BNC2: variants seen among roughly 807,000 people sequenced by gnomAD.
BNC2 encodes the protein zinc finger protein basonuclin-2.
A neutral mutation model predicts 76.3 loss-of-function variants in BNC2; 20 were observed. The ratio of observed to expected loss-of-function variants is 0.26; its 90% CI spans 0.18 to 0.38. The LOEUF is 0.38. Among genes scored for constraint, BNC2 ranks in the 10% least tolerant of loss-of-function variants. The pLI is 1.00. For synonymous variants in BNC2, 582 were observed against 514.8 expected (o/e 1.13, Z -1.77); for missense variants, 1,382 against 1,399.8 (o/e 0.99, Z 0.20).
intron 5 of BNC2, among the ~76,000 whole-genome samples, chr9:16,474,267 C>T (rs1420192108): frequency 6.6e-6 from 1 of 152,164 alleles, no homozygotes; most frequent in East Asian, 1.9e-4. Context: ...ACTCCACATA[C>T]AAATCACTAT....
At chr9:16,615,275 C>A (rs1820667184) in intron 3 of BNC2, among the ~76,000 whole-genome samples, 1 of 152,110 alleles carries the variant, frequency 6.6e-6, no homozygotes, top group Non-Finnish European at 1.5e-5. Flanking sequence ...ATGTGCCAGG[C>A]ATTAGGCTAA....
chr9:16,701,689 C>T (rs1158636002), intron 3 of BNC2, among the ~76,000 whole-genome samples: 1 of 152,096 alleles, frequency 6.6e-6, no homozygotes, highest in Non-Finnish European at 1.5e-5. Context: ...CACCTGTAAT[C>T]CCAGCACTTT....
intron 3 of BNC2, among the ~76,000 whole-genome samples, chr9:16,616,414 A>G (rs1355541089): frequency 6.9e-6 from 1 of 145,644 alleles, no homozygotes; most frequent in African/African-American, 2.6e-5. Flanking sequence ...AAAATAAAAG[A>G]GGCCAGACAT....
intron 5 of BNC2, among the ~76,000 whole-genome samples, chr9:16,499,741 G>A (rs1822479675): frequency 6.6e-6 from 1 of 151,808 alleles, no homozygotes; most frequent in African/African-American, 2.4e-5. Context: ...ATATTGGCCA[G>A]GAGGGTCTTG....
rs1005290374 is a variant in BNC2 at position 16,582,724 on chromosome 9, A to C, written c.433+259T>G. On this transcript the variant is annotated intron_variant, in intron 4 of 6. Transcript: ENST00000380672. ...CTGGCTGCGCCCATGCTCAGTAAGAACTTCACAGCCCAACTGTCCTATAAA... is the reference window on the plus strand; with the variant it reads ...CTGGCTGCGCCCATGCTCAGTAAGACCTTCACAGCCCAACTGTCCTATAAA... Among the ~76,000 whole-genome samples, 3 of 152,146 alleles carry C rather than the reference A, an allele frequency of 2.0e-5. 1 individual carries two copies. The highest frequency in any genetic ancestry group is 2.0e-4 in the Admixed American group (3 of 15,272).
chr9:16,721,620 G>A (rs764683052), intron 3 of BNC2, among the ~76,000 whole-genome samples: 9 of 152,068 alleles, frequency 5.9e-5, no homozygotes, highest in Non-Finnish European at 1.2e-4. Context: ...TTCAAATGGC[G>A]AATTATTTCT....
chr9:16,536,707 G>A (rs1818140085), intron 5 of BNC2, among the ~76,000 whole-genome samples: 1 of 152,064 alleles, frequency 6.6e-6, no homozygotes, highest in Non-Finnish European at 1.5e-5. Flanking sequence ...TAAATGAAAA[G>A]AGAAAATATA....
At chr9:16,485,521 T>G (rs1252110179) in intron 5 of BNC2, among the ~76,000 whole-genome samples, 1 of 152,164 alleles carries the variant, frequency 6.6e-6, no homozygotes, top group East Asian at 1.9e-4. Context: ...ATTAACCCAG[T>G]CAAGGGATCA....
chr9:16,513,004 G>A (rs10119184), intron 5 of BNC2, among the ~76,000 whole-genome samples: 16,620 of 151,762 alleles, frequency 0.11, 1,239 homozygotes, highest in East Asian at 0.29. Context: ...GTATTTTGGC[G>A]CATGTTTGTA....
At position 16,651,562 on chromosome 9, in the gene BNC2, G is replaced by A. The variant is rs142269798; in HGVS notation, c.331-68477C>T. Among the ~76,000 whole-genome samples the A allele has an allele frequency of 9.9e-5, 15 of 152,246 alleles. No homozygotes were observed. The East Asian group carries it at 2.9e-3, about 29-fold the overall frequency. On this transcript the variant is annotated intron_variant, in intron 3 of 6. Coordinates refer to ENST00000380672, the MANE Select transcript of BNC2 (RefSeq NM_017637.6). The stretch of plus-strand genomic sequence containing the variant: ...CAGCTCTGGCTGATCATGGCTGGGA[G>A]CTCATTAGGCTGTTCCTCACGTTAA...
chr9:16,517,425 TTAAA>T (rs1415112962), intron 5 of BNC2, among the ~76,000 whole-genome samples: 1 of 152,234 alleles, frequency 6.6e-6, no homozygotes, highest in Non-Finnish European at 1.5e-5. Context: ...TGGTATCTCA[TTAAA>T]TAAATAAAGC....
chr9:16,855,063 C>T (rs1819219650), intron 1 of BNC2, among the ~76,000 whole-genome samples: 1 of 151,842 alleles, frequency 6.6e-6, no homozygotes, highest in African/African-American at 2.4e-5. Flanking sequence ...AGAAGACGTA[C>T]TAATCATTTC....
chr9:16,857,889 T>G (rs2136191864), intron 1 of BNC2, among the ~76,000 whole-genome samples: 1 of 152,364 alleles, frequency 6.6e-6, no homozygotes, highest in Non-Finnish European at 1.5e-5. Context: ...AATTCAACAA[T>G]GAAGCAATAT....
chr9:16,597,404 A>C (rs1820122596), intron 3 of BNC2, among the ~76,000 whole-genome samples: 1 of 152,170 alleles, frequency 6.6e-6, no homozygotes, highest in South Asian at 2.1e-4. Context: ...GTACAGTGAA[A>C]TTTTAATACA....
At chr9:16,551,400 G>A (rs557496625) in intron 5 of BNC2, among the ~76,000 whole-genome samples, 92 of 152,178 alleles carry the variant, frequency 6.0e-4, no homozygotes, top group Non-Finnish European at 7.5e-4. Context: ...AGGTTAAAAC[G>A]AGAGGTAGAC....
chr9:16,425,966 C>CT (rs773646231), intron 6 of BNC2, among the ~76,000 whole-genome samples: 5 of 152,222 alleles, frequency 3.3e-5, no homozygotes, highest in Non-Finnish European at 7.3e-5. Context: ...GACATCGAGG[C>CT]TTCTCAAGGG....
chr9:16,528,794 A>G (rs1817889546), intron 5 of BNC2, among the ~76,000 whole-genome samples: 1 of 151,678 alleles, frequency 6.6e-6, no homozygotes, highest in African/African-American at 2.4e-5. Context: ...ATGGGAAATT[A>G]TATGGAGGTT....
At chr9:16,683,430 T>G (rs934970549) in intron 3 of BNC2, among the ~76,000 whole-genome samples, 1 of 152,308 alleles carries the variant, frequency 6.6e-6, no homozygotes, top group South Asian at 2.1e-4. Flanking sequence ...CGGAAGGTTA[T>G]TCTCAGAATC....
intron 3 of BNC2, among the ~76,000 whole-genome samples, chr9:16,707,622 C>G (rs950754942): frequency 3.3e-5 from 5 of 152,098 alleles, no homozygotes; most frequent in Admixed American, 6.5e-5. Flanking sequence ...TAGTTCTAAA[C>G]AAGTTGCCAA....
Sources: allele counts gnomAD v4.1 joint callset (sites outside exome capture counted in the v4.1 genomes callset), GRCh38; gene constraint gnomAD v4.1.1; transcripts MANE v1.5; gene names NCBI Gene and HGNC (gene_info 2026-07-23, HGNC 2026-07-21).